SLC1A1: variants seen among roughly 807,000 people sequenced by gnomAD.
SLC1A1 encodes solute carrier family 1 member 1.
SLC1A1 carries 43 observed loss-of-function variants against 53.3 expected under a neutral mutation model. The ratio of observed to expected loss-of-function variants is 0.81; its 90% CI spans 0.63 to 1.04. The LOEUF is 1.04. SLC1A1 is among the 50% of genes least tolerant of loss of function. SLC1A1 has a pLI of 0.00. For missense variants in SLC1A1, 748 were observed against 664.9 expected, an observed-to-expected ratio of 1.12 and a Z score of -1.37; for synonymous variants, 307 against 243.2, an observed-to-expected ratio of 1.26 and a Z score of -2.44.
intron 1 of SLC1A1, among the ~76,000 whole-genome samples, chr9:4,529,819 T>A (rs1816400600): frequency 6.6e-6 from 1 of 152,178 alleles, no homozygotes; most frequent in South Asian, 2.1e-4. Flanking sequence ...ATACCTGGAC[T>A]CATTTTTAAA....
intron 1 of SLC1A1, among the ~76,000 whole-genome samples, chr9:4,527,766 G>T (rs72687884): frequency 0.034 from 5,183 of 152,074 alleles, 149 homozygotes; most frequent in South Asian, 0.055. Context: ...CCGTTTTGAA[G>T]CCATACTATG....
At chr9:4,503,044 T>C (rs1820688267) in intron 1 of SLC1A1, among the ~76,000 whole-genome samples, 1 of 151,812 alleles carries the variant, frequency 6.6e-6, no homozygotes. Context: ...GAAGATGGAT[T>C]TAATTACCAC....
chr9:4,521,704 A>G (rs1187166237), intron 1 of SLC1A1, among the ~76,000 whole-genome samples: 1 of 152,116 alleles, frequency 6.6e-6, no homozygotes, highest in Non-Finnish European at 1.5e-5. Context: ...TTTAGGCTCA[A>G]CCGTGACTTT....
Position 4,549,974 on chromosome 9 carries a change from C to T in SLC1A1, c.232+5267C>T, listed in dbSNP as rs1389861472. Among the ~76,000 whole-genome samples, 8 of 152,154 alleles carry T rather than the reference C, an allele frequency of 5.3e-5. No individual in the cohort carries two copies. The highest frequency in any genetic ancestry group is 1.2e-4 in the Non-Finnish European group (8 of 68,030). On this transcript the variant is annotated intron_variant, in intron 2 of 11. Coordinates refer to ENST00000262352, the MANE Select transcript of SLC1A1 (RefSeq NM_004170.6). The surrounding 1 kb of genome is among the most constrained non-coding windows in gnomAD (Gnocchi z 4.1). ...AAAAACGCCTGCTCAAACAAGGGCA[C>T]ACACAGCTCCTCAAGAAACAGCACC...
At chr9:4,508,502 C>T (rs1563998365) in intron 1 of SLC1A1, among the ~76,000 whole-genome samples, 2 of 152,182 alleles carry the variant, frequency 1.3e-5, no homozygotes, top group Admixed American at 6.5e-5. Flanking sequence ...CCTAAGACTC[C>T]ATCCCCAGGA....
intron 1 of SLC1A1, among the ~76,000 whole-genome samples, chr9:4,534,613 A>G (rs1192073870): frequency 3.3e-5 from 5 of 152,110 alleles, no homozygotes; most frequent in Non-Finnish European, 7.4e-5. Flanking sequence ...ATGGATTCAC[A>G]GCCGAATTCT....
At chr9:4,509,797 G>A (rs1317022588) in intron 1 of SLC1A1, among the ~76,000 whole-genome samples, 2 of 152,124 alleles carry the variant, frequency 1.3e-5, no homozygotes, top group African/African-American at 2.4e-5. Flanking sequence ...ATCAAGAAGT[G>A]TTGAAAAGAT....
At position 4,585,391 on chromosome 9, in the gene SLC1A1, C is replaced by T; in HGVS notation, c.1408C>T (p.Leu470=). 1 of 1,614,208 alleles carries T rather than the reference C, an allele frequency of 6.2e-7. No individual in the cohort carries two copies. ...TGTGGAAAAGCTCTCCAAGAAGGAGCTGGAGCAGATGGATGTTTCATCTGA... is the reference window on the plus strand; with the variant it reads ...TGTGGAAAAGCTCTCCAAGAAGGAGTTGGAGCAGATGGATGTTTCATCTGA... ...GIVEKLSKKE[L]EQMDVSSEVN... is the part of the protein sequence containing the mutation. Residue 470 remains leucine, a synonymous_variant, in exon 12 of 12, where the codon CTG becomes TTG. Transcript: ENST00000262352.
At chr9:4,535,395 G>C (rs1482293625) in intron 1 of SLC1A1, among the ~76,000 whole-genome samples, 1 of 152,106 alleles carries the variant, frequency 6.6e-6, no homozygotes, top group Non-Finnish European at 1.5e-5. Flanking sequence ...AAAATCACAA[G>C]CATTCTTATA....
chr9:4,530,506 C>G (rs78854727), intron 1 of SLC1A1, among the ~76,000 whole-genome samples: 3,703 of 152,250 alleles, frequency 0.024, 159 homozygotes, highest in African/African-American at 0.086. Flanking sequence ...CCTGCAGGCC[C>G]AAATCCTACC....
At chr9:4,514,475 G>T (rs543727854) in intron 1 of SLC1A1, among the ~76,000 whole-genome samples, 1 of 152,158 alleles carries the variant, frequency 6.6e-6, no homozygotes, top group African/African-American at 2.4e-5. Context: ...GCTTGGGGAC[G>T]CACATGTCAC....
chr9:4,533,138 G>C lies in SLC1A1; in HGVS notation c.92-11429G>C, dbSNP rs554830881. ...CAAATTGTAAAGACCAGAGAGGCTA[G>C]GAAGAAACTGCATCAACTAACGAGC... On this transcript the variant is annotated intron_variant, in intron 1 of 11. Coordinates refer to ENST00000262352, the MANE Select transcript of SLC1A1 (RefSeq NM_004170.6). Among the ~76,000 whole-genome samples, 7 of 152,284 alleles carry C rather than the reference G, an allele frequency of 4.6e-5. No homozygotes were observed. The South Asian group carries it at 1.5e-3, about 32-fold the overall frequency.
chr9:4,519,494 G>C (rs1052745615), intron 1 of SLC1A1, among the ~76,000 whole-genome samples: 1 of 152,086 alleles, frequency 6.6e-6, no homozygotes, highest in African/African-American at 2.4e-5. Flanking sequence ...ATCCTGCTTG[G>C]TTTTTACTCA....
chr9:4,548,697 G>A (rs1166107784), intron 2 of SLC1A1, among the ~76,000 whole-genome samples: 1 of 152,108 alleles, frequency 6.6e-6, no homozygotes, highest in African/African-American at 2.4e-5. Context: ...TGTTAGAGAT[G>A]ATGATGGCAT....
intron 1 of SLC1A1, among the ~76,000 whole-genome samples, chr9:4,504,211 G>A (rs999772901): frequency 3.9e-5 from 6 of 152,028 alleles, no homozygotes; most frequent in African/African-American, 1.4e-4. Flanking sequence ...TTCCATAATT[G>A]GGCTACAGCT....
At chr9:4,550,072 C>A (rs1431162972) in intron 2 of SLC1A1, among the ~76,000 whole-genome samples, 3 of 152,198 alleles carry the variant, frequency 2.0e-5, no homozygotes, top group African/African-American at 2.4e-5. Context: ...CCTCCTCTCT[C>A]CCCCAGGCCA....
rs1053303280 is a variant in SLC1A1, at chr9:4,565,977, C to T, written c.441-70C>T. ...TAGTTTTATGTTATACTAATTTCTACCAATATATTAGGTATGACAAAACAA... is the reference window on the plus strand; with the variant it reads ...TAGTTTTATGTTATACTAATTTCTATCAATATATTAGGTATGACAAAACAA... On this transcript the variant is annotated intron_variant, in intron 4 of 11. Transcript: ENST00000262352. The T allele has an allele frequency of 3.5e-6, 4 of 1,153,860 alleles. No homozygotes were observed. In the African/African-American group the frequency reaches 6.1e-5, roughly 18 times the overall value. 71.5% of individuals were successfully genotyped at this position (1,153,860 alleles called of 1,614,324 possible).
At chr9:4,531,908 T>G (rs1328580761) in intron 1 of SLC1A1, among the ~76,000 whole-genome samples, 1 of 152,172 alleles carries the variant, frequency 6.6e-6, no homozygotes, top group Admixed American at 6.5e-5. Flanking sequence ...CAATATCCAC[T>G]GTTCTGCAGT....
chr9:4,546,717 G>C (rs2130882951), intron 2 of SLC1A1, among the ~76,000 whole-genome samples: 1 of 152,286 alleles, frequency 6.6e-6, no homozygotes, highest in South Asian at 2.1e-4. Flanking sequence ...GGCTGGTCTT[G>C]AATTTCTAGG....
Sources: gnomAD v4.1 joint callset for allele counts (sites outside exome capture counted in the v4.1 genomes callset) on GRCh38, gnomAD v4.1.1 for gene constraint, Gnocchi (gnomAD v3.1) non-coding constraint, MANE v1.5 for transcripts, NCBI Gene and HGNC (gene_info 2026-07-23, HGNC 2026-07-21) for gene names.